TTLL7: variants seen among roughly 807,000 people sequenced by gnomAD.
TTLL7 encodes tubulin tyrosine ligase like 7.
A neutral mutation model predicts 120.2 loss-of-function variants in TTLL7; 53 were observed. The ratio of observed to expected loss-of-function variants is 0.44; its 90% CI spans 0.35 to 0.55. The LOEUF is 0.55. TTLL7 is among the 20% of genes least tolerant of loss of function. The pLI is 0.00. For synonymous variants in TTLL7, 353 were observed against 351.7 expected (o/e 1.00, Z -0.04); for missense variants, 803 against 1,054.7 (o/e 0.76, Z 3.31).
chr1:83,964,302 A>G (rs561567386), intron 1 of TTLL7, among the ~76,000 whole-genome samples: 2 of 152,204 alleles, frequency 1.3e-5, no homozygotes, highest in African/African-American at 2.4e-5. Flanking sequence ...TTTGTCCTTC[A>G]TTCTAACAAA....
At chr1:83,907,720 G>A (rs1479604088) in intron 15 of TTLL7, 59 bp from the exon 16 acceptor site, 23 of 1,480,794 alleles carry the variant, frequency 1.6e-5, no homozygotes, top group Non-Finnish European at 1.9e-5. Context: ...GTTTTTCACT[G>A]TATGAAGTCT....
At position 83,866,617 on chromosome 1, in the gene TTLL7, A is replaced by G. The variant is rs892702239; in HGVS notation, c.*3345T>C. On this transcript the variant is annotated 3_prime_UTR_variant, in exon 21 of 21. Transcript: ENST00000260505. The stretch of plus-strand genomic sequence containing the variant: ...TTGACCTATGATAAAATTTGTATAG[A>G]TCTTTGCATCTTACCGACAACCAAG... The G allele has an allele frequency of 2.0e-4, 30 of 151,918 alleles. No homozygotes were observed. The highest frequency in any genetic ancestry group is 7.2e-4 in the African/African-American group (30 of 41,428). 9.4% of individuals were successfully genotyped at this position (151,918 alleles called of 1,614,324 possible). A position where few individuals can be genotyped will look rare whatever the true frequency, so the allele number is the denominator to read the frequency against.
intron 1 of TTLL7, among the ~76,000 whole-genome samples, chr1:83,972,958 T>C (rs1242237565): frequency 6.6e-6 from 1 of 152,098 alleles, no homozygotes; most frequent in South Asian, 2.1e-4. Context: ...TCTTTGTATA[T>C]TCTGGATAAT....
chr1:83,962,198 T>C (rs1246413695), intron 1 of TTLL7, among the ~76,000 whole-genome samples: 4 of 152,166 alleles, frequency 2.6e-5, no homozygotes, highest in African/African-American at 9.6e-5. Flanking sequence ...CCAGCATTTA[T>C]AGTTTTTAGT....
chr1:83,954,141 A>G (rs568670585), intron 1 of TTLL7, among the ~76,000 whole-genome samples: 1 of 152,172 alleles, frequency 6.6e-6, no homozygotes, highest in Non-Finnish European at 1.5e-5. Flanking sequence ...CAGAATACTT[A>G]TTACATTGAA....
rs565638056 is a variant in TTLL7, at chr1:83,921,080, C to T, written c.1364+7G>A. ...TTCAATCTATACAAAAATAGCAGCACAGTTACCTATAATTCCCCATATGTC... is the reference window on the plus strand; with the variant it reads ...TTCAATCTATACAAAAATAGCAGCATAGTTACCTATAATTCCCCATATGTC... On this transcript the variant is annotated splice_region_variant and intron_variant, in intron 12 of 20. Transcript: ENST00000260505. 6.2e-7 allele frequency: 1 copy of T among 1,609,598 alleles called. No individual in the cohort carries two copies. The highest frequency in any genetic ancestry group is 8.5e-7 in the Non-Finnish European group (1 of 1,178,342).
intron 1 of TTLL7, chr1:83,979,040 G>A (rs1374207951): frequency 1.3e-5 from 2 of 152,198 alleles, no homozygotes; most frequent in Non-Finnish European, 2.9e-5. Flanking sequence ...GCAGAGAGGA[G>A]ACCATGCTTA....
At chr1:83,966,464 C>A (rs765026500) in intron 1 of TTLL7, among the ~76,000 whole-genome samples, 52 of 152,104 alleles carry the variant, frequency 3.4e-4, no homozygotes, top group Admixed American at 6.6e-4. Context: ...TCCATAGGAT[C>A]AGCTACATTT....
intron 20 of TTLL7, chr1:83,880,406 C>A (rs1205275272): frequency 6.6e-6 from 1 of 151,924 alleles, no homozygotes; most frequent in African/African-American, 2.4e-5. Flanking sequence ...AAATATTTCT[C>A]TTAATACTTT....
intron 20 of TTLL7, among the ~76,000 whole-genome samples, chr1:83,870,295 C>A (rs776818561): frequency 2.6e-5 from 4 of 152,114 alleles, no homozygotes; most frequent in African/African-American, 4.8e-5. Context: ...CCCAAGACAT[C>A]CCATAAAGAG....
intron 1 of TTLL7, chr1:83,981,197 AAG>A (rs1390617866): frequency 6.6e-6 from 1 of 152,164 alleles, no homozygotes; most frequent in Non-Finnish European, 1.5e-5. Flanking sequence ...CATCATTTAA[AAG>A]AGAGATTGGC....
chr1:83,915,803 AAAC>A (rs1658104264), intron 14 of TTLL7, among the ~76,000 whole-genome samples: 1 of 152,152 alleles, frequency 6.6e-6, no homozygotes, highest in Non-Finnish European at 1.5e-5. Context: ...CAAGAAAAAA[AAAC>A]AACTCCATCA....
chr1:83,880,326 G>A (rs1654330932), intron 20 of TTLL7: 1 of 151,950 alleles, frequency 6.6e-6, no homozygotes, highest in South Asian at 2.1e-4. Context: ...GAGGTTAAAT[G>A]TCTTGCAATG....
chr1:83,926,303 CATTT>C (rs10648661), intron 10 of TTLL7, among the ~76,000 whole-genome samples: 7 of 151,924 alleles, frequency 4.6e-5, no homozygotes, highest in African/African-American at 1.2e-4. Context: ...TCCATTCATT[CATTT>C]ATTTATTTAC....
chr1:83,944,200 CAGA>C (rs1019478128), intron 6 of TTLL7, among the ~76,000 whole-genome samples: 38 of 151,902 alleles, frequency 2.5e-4, no homozygotes, highest in African/African-American at 8.2e-4. Flanking sequence ...ACAGGAGTCT[CAGA>C]AGGAGAGAAG....
At chr1:83,892,843 T>TATATATGAACAC (rs1557569294) in intron 18 of TTLL7, among the ~76,000 whole-genome samples, 4 of 148,728 alleles carry the variant, frequency 2.7e-5, no homozygotes, top group Non-Finnish European at 4.5e-5. Context: ...TATGAACACA[T>TATATATGAACAC]ATATGAGTAT....
intron 3 of TTLL7, among the ~76,000 whole-genome samples, chr1:83,951,387 T>G (rs940334229): frequency 6.6e-6 from 1 of 152,108 alleles, no homozygotes; most frequent in African/African-American, 2.4e-5. Flanking sequence ...TTACTTAAAT[T>G]TGGGTATTTA....
chr1:83,910,989 T>C (rs965806844), intron 15 of TTLL7, among the ~76,000 whole-genome samples, 176 bp downstream of exon 15: 2 of 152,116 alleles, frequency 1.3e-5, no homozygotes, highest in Non-Finnish European at 2.9e-5. Context: ...TTTGCAGATC[T>C]TGAAAGGGCT....
intron 14 of TTLL7, among the ~76,000 whole-genome samples, chr1:83,914,653 G>C (rs1657984848): frequency 6.6e-6 from 1 of 152,148 alleles, no homozygotes; most frequent in South Asian, 2.1e-4. Flanking sequence ...TTAATGCTTA[G>C]AGCACTACTC....
Sources: gnomAD v4.1 joint callset for allele counts (sites outside exome capture counted in the v4.1 genomes callset) on GRCh38, gnomAD v4.1.1 for gene constraint, MANE v1.5 for transcripts, NCBI Gene and HGNC (gene_info 2026-07-23, HGNC 2026-07-21) for gene names.